AGBL4: variants seen among roughly 807,000 people sequenced by gnomAD.
AGBL4 encodes cytosolic carboxypeptidase 6.
In AGBL4, 58 loss-of-function variants were observed where a neutral mutation model predicts 66.4. The ratio of observed to expected loss-of-function variants is 0.87; its 90% confidence interval spans 0.71 to 1.09. The LOEUF is 1.09. Among genes scored for constraint, AGBL4 ranks in the 50% least tolerant of loss-of-function variants. The pLI is 0.00. For synonymous variants in AGBL4, 234 were observed against 222.9 expected (o/e 1.05, Z -0.44); for missense variants, 579 against 631.0 (o/e 0.92, Z 0.88).
intron 3 of AGBL4, among the ~76,000 whole-genome samples, chr1:49,602,757 T>C (rs927196946): frequency 6.6e-6 from 1 of 151,606 alleles, no homozygotes; most frequent in Non-Finnish European, 1.5e-5. Context: ...TTTGGGTTGA[T>C]GGCACATATA....
intron 6 of AGBL4, among the ~76,000 whole-genome samples, chr1:48,713,447 G>A (rs1444330293): frequency 6.6e-6 from 1 of 152,168 alleles, no homozygotes; most frequent in Non-Finnish European, 1.5e-5. Context: ...GTTGGGGTGG[G>A]GGTGCTGCGT....
At chr1:48,613,749 C>T (rs1284096639) in intron 9 of AGBL4, among the ~76,000 whole-genome samples, 1 of 152,214 alleles carries the variant, frequency 6.6e-6, no homozygotes, top group Non-Finnish European at 1.5e-5. Flanking sequence ...AGAGCTGTGG[C>T]TGGCTCACTT....
At chr1:49,707,340 T>C (rs1647280108) in intron 2 of AGBL4, among the ~76,000 whole-genome samples, 2 of 151,920 alleles carry the variant, frequency 1.3e-5, no homozygotes, top group Non-Finnish European at 2.9e-5. Context: ...AAGTCTGTTT[T>C]ATCAGAGACT....
intron 4 of AGBL4, among the ~76,000 whole-genome samples, chr1:49,052,782 G>C (rs376857855): frequency 1.3e-5 from 2 of 152,136 alleles, no homozygotes; most frequent in Non-Finnish European, 2.9e-5. Flanking sequence ...AGCATATAGA[G>C]GCAATTGATA....
chr1:49,291,875 G>T (rs1252501907), intron 3 of AGBL4, among the ~76,000 whole-genome samples: 3 of 152,180 alleles, frequency 2.0e-5, no homozygotes, highest in African/African-American at 7.2e-5. Context: ...GAGCTTCCCA[G>T]GTGCAGCTGC....
chr1:49,659,475 A>G (rs1245566659), intron 3 of AGBL4, among the ~76,000 whole-genome samples: 4 of 152,170 alleles, frequency 2.6e-5, no homozygotes, highest in Non-Finnish European at 5.9e-5. Flanking sequence ...CAAATGTAAA[A>G]CAGAAAAAAG....
chr1:49,945,002 T>G (rs1237142454), intron 1 of AGBL4, among the ~76,000 whole-genome samples: 1 of 151,624 alleles, frequency 6.6e-6, no homozygotes, highest in Non-Finnish European at 1.5e-5. Context: ...ATTAACCCAA[T>G]CCAACAAAGG....
At chr1:49,701,046 C>A (rs1312386486) in intron 2 of AGBL4, among the ~76,000 whole-genome samples, 1 of 151,692 alleles carries the variant, frequency 6.6e-6, no homozygotes, top group Non-Finnish European at 1.5e-5. Context: ...AAGAAATAAA[C>A]CACATATTAT....
At chr1:49,520,580 T>C (rs575829129) in intron 3 of AGBL4, among the ~76,000 whole-genome samples, 1 of 152,090 alleles carries the variant, frequency 6.6e-6, no homozygotes, top group Non-Finnish European at 1.5e-5. Flanking sequence ...ACTTTGAATA[T>C]CTTGACTGCT....
chr1:49,739,964 A>C (rs1473418742), intron 2 of AGBL4, among the ~76,000 whole-genome samples: 1 of 152,208 alleles, frequency 6.6e-6, no homozygotes, highest in Non-Finnish European at 1.5e-5. Context: ...AATTCTAAAG[A>C]CCATTGAGGC....
At chr1:48,777,395 A>T (rs1645151266) in intron 6 of AGBL4, among the ~76,000 whole-genome samples, 1 of 151,926 alleles carries the variant, frequency 6.6e-6, no homozygotes, top group Non-Finnish European at 1.5e-5. Context: ...AGAAGTTTGG[A>T]GTGTTTTAAA....
At chr1:49,936,162 G>A (rs1473940146) in intron 1 of AGBL4, among the ~76,000 whole-genome samples, 2 of 152,200 alleles carry the variant, frequency 1.3e-5, no homozygotes, top group African/African-American at 2.4e-5. Flanking sequence ...GGAGCTGAAA[G>A]CCGAGGCTCG....
At chr1:49,106,190 T>A (rs1645288658) in intron 4 of AGBL4, among the ~76,000 whole-genome samples, 1 of 152,296 alleles carries the variant, frequency 6.6e-6, no homozygotes, top group African/African-American at 2.4e-5. Flanking sequence ...GATATATCCA[T>A]AACGGGCAGT....
intron 3 of AGBL4, among the ~76,000 whole-genome samples, chr1:49,300,044 T>C (rs1644715215): frequency 6.6e-6 from 1 of 152,228 alleles, no homozygotes; most frequent in Non-Finnish European, 1.5e-5. Flanking sequence ...GTTTCTATAT[T>C]ATTGAAAGAT....
chr1:48,888,383 T>C (rs1425321891), intron 5 of AGBL4, among the ~76,000 whole-genome samples: 2 of 152,168 alleles, frequency 1.3e-5, no homozygotes, highest in African/African-American at 4.8e-5. Context: ...ACTATCCTTC[T>C]GTCCGTTAGA....
chr1:49,102,107 G>T (rs1645213615), intron 4 of AGBL4, among the ~76,000 whole-genome samples: 1 of 152,066 alleles, frequency 6.6e-6, no homozygotes, highest in Non-Finnish European at 1.5e-5. Flanking sequence ...CCCTTAGACG[G>T]CCAAACACAG....
Position 49,349,937 on chromosome 1 carries a change from A to AG in AGBL4, c.283-104074dup, listed in dbSNP as rs375777927. Among the ~76,000 whole-genome samples, 288 of 152,346 alleles carry AG rather than the reference A, an allele frequency of 1.9e-3. 2 individuals carry two copies. The highest frequency in any genetic ancestry group is 0.01 in the South Asian group (49 of 4,830). On this transcript the variant is annotated intron_variant, in intron 3 of 13. Transcript: ENST00000371839. ...GAAGACAGCTATCTACAAGCCAGGG[A>AG]GGAGGCCTCAGAAAATATCAACCCT...
intron 1 of AGBL4, among the ~76,000 whole-genome samples, chr1:49,862,744 T>A (rs143122581): frequency 8.7e-4 from 133 of 152,178 alleles, no homozygotes; most frequent in African/African-American, 3.1e-3. Context: ...CATGACATAG[T>A]CAAAGGGCTG....
intron 3 of AGBL4, among the ~76,000 whole-genome samples, chr1:49,605,543 G>T (rs1645048492): frequency 6.6e-6 from 1 of 152,092 alleles, no homozygotes; most frequent in South Asian, 2.1e-4. Flanking sequence ...GGTAAAACAT[G>T]TATTAGTTTG....
Sources: gnomAD v4.1 joint callset for allele counts (sites outside exome capture counted in the v4.1 genomes callset) on GRCh38, gnomAD v4.1.1 for gene constraint, MANE v1.5 for transcripts, NCBI Gene and HGNC (gene_info 2026-07-23, HGNC 2026-07-21) for gene names.